The following EXTL3 variants were observed in gnomAD, a reference collection of about 807,000 sequenced individuals.
EXTL3 encodes the protein exostosin-like 3.
In EXTL3, 27 loss-of-function variants were observed where a neutral mutation model predicts 69.3. That is an observed-to-expected ratio of 0.39 (90% CI 0.29 to 0.54). The LOEUF (loss-of-function observed/expected upper bound fraction) is 0.54. Ranked by LOEUF, EXTL3 falls within the 20% of genes least tolerant of loss-of-function variation. The pLI is 0.69. For synonymous variants in EXTL3, 511 were observed against 499.4 expected (o/e 1.02, Z -0.31); for missense variants, 1,003 against 1,231.8 (o/e 0.81, Z 2.78).
At chr8:28,612,098 G>A (rs1453335875) in intron 2 of EXTL3, among the ~76,000 whole-genome samples, 5 of 152,120 alleles carry the variant, frequency 3.3e-5, no homozygotes, top group Non-Finnish European at 7.4e-5. Flanking sequence ...AATGTTCTTC[G>A]GATGTTTAAA....
chr8:28,621,375 A>G (rs352428), upstream of EXTL3, among the ~76,000 whole-genome samples: 136,940 of 152,202 alleles, frequency 0.9, 61,908 homozygotes, highest in African/African-American at 0.98. Context: ...GAGAGGCCTG[A>G]AACAATCTTT....
intron 1 of EXTL3, among the ~76,000 whole-genome samples, chr8:28,652,900 T>G (rs143598770): frequency 0.013 from 1,908 of 152,284 alleles, 17 homozygotes; most frequent in Non-Finnish European, 0.02. Flanking sequence ...ACAGCAAAAC[T>G]GAGCAGAAAG....
At position 28,717,931 on chromosome 8, in the gene EXTL3, C is replaced by G. The variant is rs765007284; in HGVS notation, c.1872C>G (p.Pro624=). The part of the protein sequence containing the change: ...FPHTPFDPVL[P]SEAKFLGSGT... ...ACACTCCCTTTGACCCTGTGTTGCC[C>G]TCAGAGGCCAAATTCTTGGGCTCAG... is the stretch of plus-strand genomic sequence containing the variant. The change falls in exon 3 of 7, where the codon CCC becomes CCG. Residue 624 remains proline, a synonymous_variant. Coordinates refer to ENST00000220562, the MANE Select transcript of EXTL3 (RefSeq NM_001440.4). This position sits in a 1 kb window ranked among gnomAD's most constrained non-coding sequence, Gnocchi z 8.3. 6.2e-7 allele frequency: 1 copy of G among 1,614,262 alleles called. No homozygotes were observed. The highest frequency in any genetic ancestry group is 8.5e-7 in the Non-Finnish European group (1 of 1,180,046).
rs751588054 is a variant in EXTL3, at chr8:28,718,057, G to A, written c.1998G>A (p.Val666=). The change falls in exon 3 of 7, where the codon GTG becomes GTA. Residue 666 remains valine (V), a synonymous_variant. Transcript: ENST00000220562. ...GNVPREQFTV[V]MLTYEREEVL... is the part of the protein sequence containing the mutation. ...TTCCCCGAGAGCAGTTCACGGTGGT[G>A]ATGTTGACTTATGAGCGGGAGGAAG... 3 of 1,613,882 alleles carry A rather than the reference G, an allele frequency of 1.9e-6. No individual in the cohort carries two copies. Among genetic ancestry groups the A allele is most frequent in the South Asian group, 2.2e-5 (2 of 91,038 alleles).
At chr8:28,618,930 G>GA (rs112372191), upstream of EXTL3, among the ~76,000 whole-genome samples, 12,332 of 141,582 alleles carry the variant, frequency 0.087, 1,464 homozygotes, top group African/African-American at 0.27. Flanking sequence ...TAAAAATACA[G>GA]AAAAAAAAAA....
chr8:28,661,913 T>C lies in EXTL3; in HGVS notation c.-53+39103T>C, dbSNP rs569931226. Reference sequence around the variant, plus strand: ...AAAAAAATTAAAATAAAAGATAAAATATAAATGTATATATTACATATTGTT... The same window carrying C: ...AAAAAAATTAAAATAAAAGATAAAACATAAATGTATATATTACATATTGTT... On this transcript the variant is annotated intron_variant, in intron 1 of 6. Coordinates refer to the EXTL3 transcript ENST00000523149. Among the ~76,000 whole-genome samples the C allele has an allele frequency of 3.3e-5, 5 of 150,932 alleles. No homozygotes were observed. In the South Asian group the frequency reaches 1.0e-3, roughly 31 times the overall value.
Position 28,717,512 on chromosome 8 carries a change from G to A in EXTL3, c.1453G>A (p.Val485Met), listed in dbSNP as rs757432629. Residue 485 changes from valine to methionine, a missense_variant, in exon 3 of 7, where the codon GTG becomes ATG. Transcript: ENST00000220562. The surrounding 1 kb of genome is among the most constrained non-coding windows in gnomAD (Gnocchi z 8.3). ...MLQWNEAALVVPKPRVTEVHF... is the reference protein window; with the variant it reads ...MLQWNEAALVMPKPRVTEVHF... ...GCAGTGGAACGAGGCGGCCCTGGTG[G>A]TGCCAAAGCCTCGTGTTACCGAGGT... 2 of 1,614,264 alleles carry A rather than the reference G, an allele frequency of 1.2e-6. No homozygotes were observed. The highest frequency in any genetic ancestry group is 1.7e-5 in the Admixed American group (1 of 60,038).
chr8:28,631,156 T>TTTTTC lies in EXTL3; in HGVS notation c.-53+8346_-53+8347insTTTTC, dbSNP rs1806566043. Among the ~76,000 whole-genome samples the TTTTTC allele has an allele frequency of 2.6e-5, 4 of 151,880 alleles. No individual in the cohort carries two copies. The South Asian group carries it at 8.3e-4, about 32-fold the overall frequency. Reference sequence around the variant, plus strand: ...CTTTAGAGAGGACTTTTTTTTTTTTTCTGGAGCTAAATCAAGGAAGGATTA... The same window carrying TTTTTC: ...CTTTAGAGAGGACTTTTTTTTTTTTTTTTTCCTGGAGCTAAATCAAGGAAGGATTA... On this transcript the variant is annotated intron_variant, in intron 1 of 6. Transcript: ENST00000523149.
chr8:28,736,961 C>G (rs1365224040), intron 4 of EXTL3, among the ~76,000 whole-genome samples: 1 of 152,172 alleles, frequency 6.6e-6, no homozygotes, highest in Non-Finnish European at 1.5e-5. Context: ...CTCCACCATA[C>G]CCAGCTAATT....
chr8:28,643,823 T>C (rs1226335735), intron 1 of EXTL3, among the ~76,000 whole-genome samples: 1 of 152,190 alleles, frequency 6.6e-6, no homozygotes, highest in African/African-American at 2.4e-5. Flanking sequence ...TGGAGTACAG[T>C]GTCACAATCA....
At position 28,726,940 on chromosome 8, in the gene EXTL3, G is replaced by A. The variant is rs144650788; in HGVS notation, c.2149-4283G>A. ...GTTGCCCAGCGTGGAGTGCAGTGGTGCAATCTTGGCTCACTGTAACCTCCA... is the reference window on the plus strand; with the variant it reads ...GTTGCCCAGCGTGGAGTGCAGTGGTACAATCTTGGCTCACTGTAACCTCCA... On this transcript the variant is annotated intron_variant, in intron 3 of 6. Transcript: ENST00000220562. 7.1e-3 allele frequency among the ~76,000 whole-genome samples: 993 copies of A among 140,602 alleles called. 15 individuals are homozygous for A. The highest frequency in any genetic ancestry group is 0.026 in the African/African-American group (945 of 36,808). The allele number at this position is 140,602 out of a possible 152,430, so 92.2% of individuals were successfully genotyped here.
chr8:28,663,640 C>T (rs1355759173), intron 1 of EXTL3, among the ~76,000 whole-genome samples: 7 of 152,042 alleles, frequency 4.6e-5, no homozygotes, highest in African/African-American at 9.7e-5. Context: ...TTAGTAGAGA[C>T]GAGGTTTCAC....
chr8:28,755,887 T>G (rs1802113704), downstream of EXTL3, among the ~76,000 whole-genome samples: 1 of 152,210 alleles, frequency 6.6e-6, no homozygotes, highest in Admixed American at 6.5e-5. Context: ...TTCTAGGGCA[T>G]AAATGTCTAT....
intron 1 of EXTL3, among the ~76,000 whole-genome samples, chr8:28,644,099 ATT>A (rs370439150): frequency 6.8e-6 from 1 of 146,352 alleles, no homozygotes; most frequent in Non-Finnish European, 1.5e-5. Context: ...TTACAGTTTG[ATT>A]TTTTTTTTTA....
chr8:28,642,507 CT>C (rs2130586532), intron 1 of EXTL3, among the ~76,000 whole-genome samples: 1 of 150,772 alleles, frequency 6.6e-6, no homozygotes, highest in African/African-American at 2.4e-5. Flanking sequence ...AATCCCAGCA[CT>C]TTGGGAGGCT....
At chr8:28,746,113 A>G (rs1294119784) in intron 6 of EXTL3, among the ~76,000 whole-genome samples, 3 of 152,126 alleles carry the variant, frequency 2.0e-5, no homozygotes, top group Non-Finnish European at 4.4e-5. Context: ...AAAAATAGTA[A>G]TTTTTTTGTT....
chr8:28,649,970 G>T (rs188414729), intron 1 of EXTL3, among the ~76,000 whole-genome samples: 188 of 152,146 alleles, frequency 1.2e-3, no homozygotes, highest in African/African-American at 4.4e-3. Flanking sequence ...GCTGAGGCAG[G>T]CGGATCACCT....
At chr8:28,756,182 A>C (rs1802119277), downstream of EXTL3, among the ~76,000 whole-genome samples, 1 of 152,054 alleles carries the variant, frequency 6.6e-6, no homozygotes, top group Non-Finnish European at 1.5e-5. Context: ...TGTAACCCAG[A>C]CCCCTCTCAA....
chr8:28,708,757 G>C (rs538354527), intron 1 of EXTL3, among the ~76,000 whole-genome samples: 1 of 152,088 alleles, frequency 6.6e-6, no homozygotes, highest in South Asian at 2.1e-4. Flanking sequence ...CCCGCACCTG[G>C]GTTGTCATGG....
Sources: allele counts gnomAD v4.1 joint callset (sites outside exome capture counted in the v4.1 genomes callset), GRCh38; gene constraint gnomAD v4.1.1; non-coding constraint Gnocchi (gnomAD v3.1); transcripts MANE v1.5; gene names NCBI Gene and HGNC (gene_info 2026-07-23, HGNC 2026-07-21).